The following PPP3CC variants were observed in gnomAD, a reference collection of about 807,000 sequenced individuals.
PPP3CC encodes serine/threonine-protein phosphatase 2B catalytic subunit gamma isoform.
PPP3CC carries 35 observed loss-of-function variants against 60.3 expected under a neutral mutation model. The observed-to-expected ratio is 0.58, with a 90% CI of 0.44 to 0.77. The LOEUF is 0.77. PPP3CC is among the 30% of genes least tolerant of loss of function. The pLI, the probability that PPP3CC is intolerant of heterozygous loss-of-function variation, is 0.00. For missense variants in PPP3CC, 570 were observed against 628.9 expected (o/e 0.91, Z 1.00); for synonymous variants, 206 against 224.3 (o/e 0.92, Z 0.73).
intron 1 of PPP3CC, among the ~76,000 whole-genome samples, chr8:22,441,838 C>T (rs1836682671): frequency 6.6e-6 from 1 of 151,796 alleles, no homozygotes; most frequent in Admixed American, 6.7e-5. Flanking sequence ...AAGATTAGAT[C>T]TTTCTTGACG....
At chr8:22,530,033 A>T (rs1410583056) in intron 10 of PPP3CC, among the ~76,000 whole-genome samples, 2 of 152,166 alleles carry the variant, frequency 1.3e-5, no homozygotes, top group African/African-American at 4.8e-5. Context: ...AACCATCTCC[A>T]TCGTGGAGAA....
intron 3 of PPP3CC, among the ~76,000 whole-genome samples, chr8:22,487,677 A>C (rs553806486): frequency 1.2e-4 from 19 of 152,310 alleles, no homozygotes; most frequent in South Asian, 1.0e-3. Context: ...GTGAGAGAAG[A>C]AGCTAAATTT....
At chr8:22,449,500 G>C (rs1264551257) in intron 1 of PPP3CC, among the ~76,000 whole-genome samples, 1 of 150,142 alleles carries the variant, frequency 6.7e-6, no homozygotes, top group African/African-American at 2.4e-5. Flanking sequence ...GCTACAGCTA[G>C]GTTTAGGAAA....
rs1839737780 is a variant in PPP3CC at position 22,532,312 on chromosome 8, G to A, written c.1223+6G>A. ...CGGGTCTTTTCAATTCTTCGGTAAG[G>A]ATGTCTGTCATTACAGTGCGGATTA... On this transcript the variant is annotated splice_donor_region_variant and intron_variant, in intron 11 of 13. Transcript: ENST00000240139. The A allele has an allele frequency of 6.2e-7, 1 of 1,604,646 alleles. No homozygotes were observed. Among genetic ancestry groups the A allele is most frequent in the Non-Finnish European group, 8.5e-7 (1 of 1,171,554 alleles).
rs766751572 is a variant in PPP3CC at position 22,475,116 on chromosome 8, A to T, written c.212A>T (p.Glu71Val). 5 of 1,613,182 alleles carry T rather than the reference A, an allele frequency of 3.1e-6. No homozygotes were observed. The Admixed American group carries it at 8.3e-5, about 27-fold the overall frequency. The change falls in exon 2 of 14, where the codon GAG becomes GTG. Residue 71 changes from glutamate to valine, a missense_variant. By Grantham distance (121) the Glu-to-Val change is moderately radical. Coordinates refer to ENST00000240139, the MANE Select transcript of PPP3CC (RefSeq NM_005605.5). ...INDGAAILRQ[E>V]KTMIEVDAPI... is the part of the protein sequence containing the mutation. ...GATGGGGCTGCCATCCTGAGGCAAG[A>T]GAAGACTATGATAGAAGTAGATGCT... is the stretch of plus-strand genomic sequence containing the variant.
intron 1 of PPP3CC, among the ~76,000 whole-genome samples, chr8:22,458,563 A>T (rs1355366731): frequency 6.6e-6 from 1 of 152,148 alleles, no homozygotes; most frequent in Non-Finnish European, 1.5e-5. Context: ...ATGCCACTGC[A>T]TTCCAGCCTG....
Position 22,486,731 on chromosome 8 carries a change from T to C in PPP3CC, c.372+11107T>C, listed in dbSNP as rs886633887. 2.7e-5 allele frequency among the ~76,000 whole-genome samples: 4 copies of C among 148,360 alleles called. No homozygotes were observed. The East Asian group carries it at 7.7e-4, about 29-fold the overall frequency. Reference sequence around the variant, plus strand: ...TCCAGACTTGATGTGTTTTTTGTTTTGTTTTTTTTTTTTTTTGGGACGGAG... The same window carrying C: ...TCCAGACTTGATGTGTTTTTTGTTTCGTTTTTTTTTTTTTTTGGGACGGAG... On this transcript the variant is annotated intron_variant, in intron 3 of 13. Coordinates refer to ENST00000240139, the MANE Select transcript of PPP3CC (RefSeq NM_005605.5).
At chr8:22,495,374 G>T (rs1838537440) in intron 3 of PPP3CC, among the ~76,000 whole-genome samples, 1 of 151,998 alleles carries the variant, frequency 6.6e-6, no homozygotes, top group Non-Finnish European at 1.5e-5. Context: ...CCTGTGTATG[G>T]TCATTTAGGT....
intron 1 of PPP3CC, 137 bp downstream of exon 1, chr8:22,441,595 C>A: frequency 2.1e-6 from 2 of 962,484 alleles, no homozygotes; most frequent in Non-Finnish European, 2.8e-6. Flanking sequence ...CAGAGCCGGG[C>A]GGCAGCCTCC....
Position 22,501,719 on chromosome 8 carries a change from G to T in PPP3CC, c.484+3607G>T, listed in dbSNP as rs1356301474. On this transcript the variant is annotated intron_variant, in intron 4 of 13. Coordinates refer to ENST00000240139, the MANE Select transcript of PPP3CC (RefSeq NM_005605.5). ...AAAACCCTCACTCAGTTTTTAAAAG[G>T]CTCACCTTAGGTCAGGCATGGTGGC... Among the ~76,000 whole-genome samples, 3 of 152,200 alleles carry T rather than the reference G, an allele frequency of 2.0e-5. 1 individual carries two copies. In the East Asian group the frequency reaches 5.8e-4, roughly 29 times the overall value.
At chr8:22,447,358 AT>A (rs1836860605) in intron 1 of PPP3CC, among the ~76,000 whole-genome samples, 1 of 150,168 alleles carries the variant, frequency 6.7e-6, no homozygotes, top group African/African-American at 2.5e-5. Context: ...TTTTTTTTGT[AT>A]TTTTAGTAGA....
intron 12 of PPP3CC, among the ~76,000 whole-genome samples, chr8:22,538,922 C>T (rs1434453249): frequency 6.6e-6 from 1 of 152,104 alleles, no homozygotes; most frequent in Non-Finnish European, 1.5e-5. Flanking sequence ...AGAAATAACC[C>T]TTCACATGGA....
At chr8:22,485,785 A>G (rs1838205850) in intron 3 of PPP3CC, among the ~76,000 whole-genome samples, 1 of 152,202 alleles carries the variant, frequency 6.6e-6, no homozygotes, top group South Asian at 2.1e-4. Context: ...TGTCCGAAGA[A>G]CAAAGAGAAG....
intron 4 of PPP3CC, among the ~76,000 whole-genome samples, chr8:22,510,334 A>G (rs1839050164): frequency 6.6e-6 from 1 of 152,192 alleles, no homozygotes; most frequent in Non-Finnish European, 1.5e-5. Context: ...TTTTAGAGAA[A>G]ATAGAATCAA....
chr8:22,485,445 A>G (rs1359541873), intron 3 of PPP3CC, among the ~76,000 whole-genome samples: 1 of 152,172 alleles, frequency 6.6e-6, no homozygotes, highest in East Asian at 1.9e-4. Flanking sequence ...TCAGACGGGA[A>G]GGGGAAAGAC....
chr8:22,469,457 A>G (rs1359013234), intron 1 of PPP3CC, among the ~76,000 whole-genome samples: 1 of 152,124 alleles, frequency 6.6e-6, no homozygotes, highest in Non-Finnish European at 1.5e-5. Flanking sequence ...ACAAAAATGT[A>G]TTGTACCTGG....
intron 3 of PPP3CC, among the ~76,000 whole-genome samples, chr8:22,489,566 T>C (rs1474147532): frequency 6.9e-6 from 1 of 144,358 alleles, no homozygotes; most frequent in Non-Finnish European, 1.5e-5. Context: ...AGGTACAGCA[T>C]ATATATATAT....
chr8:22,511,244 T>C lies in PPP3CC; in HGVS notation c.630+13T>C, dbSNP rs1275127235. The C allele has an allele frequency of 6.2e-7, 1 of 1,604,336 alleles. No individual in the cohort carries two copies. The highest frequency in any genetic ancestry group is 1.7e-5 in the Admixed American group (1 of 59,492). Reference sequence around the variant, plus strand: ...TGACATTAGGAAAGTAAGTAATCTTTTATTATTCTCACAGGGAATATTTTT... The same window carrying C: ...TGACATTAGGAAAGTAAGTAATCTTCTATTATTCTCACAGGGAATATTTTT... On this transcript the variant is annotated intron_variant, in intron 5 of 13. Coordinates refer to ENST00000240139, the MANE Select transcript of PPP3CC (RefSeq NM_005605.5).
chr8:22,536,589 G>A (rs1195891899), intron 12 of PPP3CC, among the ~76,000 whole-genome samples: 1 of 152,194 alleles, frequency 6.6e-6, no homozygotes, highest in African/African-American at 2.4e-5. Context: ...TAGGACCATT[G>A]ATTGATACTT....
Sources: gnomAD v4.1 joint callset for allele counts (sites outside exome capture counted in the v4.1 genomes callset) on GRCh38, gnomAD v4.1.1 for gene constraint, MANE v1.5 for transcripts, NCBI Gene and HGNC (gene_info 2026-07-23, HGNC 2026-07-21) for gene names.